Variants in STXBP6 observed in about 807,000 individuals in gnomAD.
STXBP6 encodes syntaxin-binding protein 6.
STXBP6 carries 21 observed loss-of-function variants against 26.9 expected under a neutral mutation model. The observed-to-expected ratio is 0.78, with a 90% CI of 0.55 to 1.12. STXBP6 has a LOEUF of 1.12. Ranked by LOEUF, STXBP6 falls within the 50% of genes most tolerant of loss-of-function variation. The pLI, the probability that STXBP6 is intolerant of heterozygous loss-of-function variation, is 0.00. For missense variants in STXBP6, 232 were observed against 257.9 expected (o/e 0.90, Z 0.69); for synonymous variants, 97 against 92.6 (o/e 1.05, Z -0.27).
chr14:24,957,531 T>C (rs1489028992), intron 2 of STXBP6, among the ~76,000 whole-genome samples: 3 of 152,348 alleles, frequency 2.0e-5, no homozygotes, highest in East Asian at 1.9e-4. Flanking sequence ...CTCTGGCAGA[T>C]AACTGACAAC....
intron 2 of STXBP6, among the ~76,000 whole-genome samples, chr14:24,949,450 G>C (rs932681575): frequency 1.3e-5 from 2 of 152,146 alleles, no homozygotes; most frequent in South Asian, 2.1e-4. Flanking sequence ...ACAAGACTGA[G>C]AGGCACCTCA....
chr14:24,936,281 G>GAAACA (rs1161903670), intron 2 of STXBP6, among the ~76,000 whole-genome samples: 1 of 151,894 alleles, frequency 6.6e-6, no homozygotes, highest in Non-Finnish European at 1.5e-5. Context: ...TCACAGGCCA[G>GAAACA]AAACAAAACA....
At position 24,892,880 on chromosome 14, in the gene STXBP6, C is replaced by T. The variant is rs560572068; in HGVS notation, c.155-35723G>A. On this transcript the variant is annotated intron_variant, in intron 2 of 5. Transcript: ENST00000323944. Reference sequence around the variant, plus strand: ...CCGAGTGGACCTTGCACGTTCTCAACTATCAATTACTGTAACTAGAACTCC... The same window carrying T: ...CCGAGTGGACCTTGCACGTTCTCAATTATCAATTACTGTAACTAGAACTCC... Among the ~76,000 whole-genome samples the T allele has an allele frequency of 6.6e-5, 10 of 152,332 alleles. No individual in the cohort carries two copies. The East Asian group carries it at 1.5e-3, about 23-fold the overall frequency.
intron 2 of STXBP6, among the ~76,000 whole-genome samples, chr14:24,964,860 A>T (rs2073682669): frequency 6.6e-6 from 1 of 152,156 alleles, no homozygotes; most frequent in Non-Finnish European, 1.5e-5. Context: ...CTTTTGATCC[A>T]GTAAAGATAG....
intron 2 of STXBP6, among the ~76,000 whole-genome samples, chr14:24,918,316 G>A (rs1459409687): frequency 1.3e-5 from 2 of 151,874 alleles, no homozygotes; most frequent in African/African-American, 2.4e-5. Flanking sequence ...GTAGATGAGG[G>A]TAAGGGGACA....
chr14:24,844,621 T>C (rs2068892443), intron 4 of STXBP6, among the ~76,000 whole-genome samples: 2 of 152,210 alleles, frequency 1.3e-5, no homozygotes, highest in African/African-American at 4.8e-5. Flanking sequence ...TCAGAAGTGT[T>C]CTGTGAGTAG....
chr14:24,856,946 C>T lies in STXBP6; in HGVS notation c.285+81G>A, dbSNP rs1027006644. On this transcript the variant is annotated intron_variant, in intron 3 of 5. Transcript: ENST00000323944. ...TAGCCTTCTTAAGAATGATTCAAAC[C>T]ACCACTACCACTACCAAGGTCAATC... 27 of 1,481,806 alleles carry T rather than the reference C, an allele frequency of 1.8e-5. No individual in the cohort carries two copies. The African/African-American group carries it at 3.7e-4, about 20-fold the overall frequency. The allele number at this position is 1,481,806 out of a possible 1,614,324, so 91.8% of individuals were successfully genotyped here.
At chr14:24,847,589 A>G (rs1296916214) in intron 4 of STXBP6, among the ~76,000 whole-genome samples, 1 of 152,156 alleles carries the variant, frequency 6.6e-6, no homozygotes, top group East Asian at 1.9e-4. Flanking sequence ...AATGCCTTTT[A>G]TGTCTGTTTC....
At chr14:24,911,769 G>T (rs537293775) in intron 2 of STXBP6, among the ~76,000 whole-genome samples, 1 of 152,278 alleles carries the variant, frequency 6.6e-6, no homozygotes, top group East Asian at 1.9e-4. Flanking sequence ...CTGCAGCAGA[G>T]CACATAGCTT....
chr14:25,043,010 A>T (rs2075668273), intron 1 of STXBP6, among the ~76,000 whole-genome samples: 1 of 152,230 alleles, frequency 6.6e-6, no homozygotes, highest in African/African-American at 2.4e-5. Context: ...AACAAATTAG[A>T]AGATGACACT....
At chr14:24,950,718 T>C (rs1166937883) in intron 2 of STXBP6, among the ~76,000 whole-genome samples, 3 of 152,192 alleles carry the variant, frequency 2.0e-5, no homozygotes, top group Admixed American at 1.3e-4. Flanking sequence ...CACATTGAGC[T>C]TCTCTAGACA....
At chr14:24,939,611 T>C (rs1201092051) in intron 2 of STXBP6, among the ~76,000 whole-genome samples, 1 of 152,236 alleles carries the variant, frequency 6.6e-6, no homozygotes, top group Non-Finnish European at 1.5e-5. Flanking sequence ...ATACTTCACA[T>C]GTACTGTATC....
intron 1 of STXBP6, among the ~76,000 whole-genome samples, chr14:25,000,054 A>G (rs1162602215): frequency 6.6e-6 from 1 of 151,568 alleles, no homozygotes; most frequent in Non-Finnish European, 1.5e-5. Context: ...TTTGTAGGAC[A>G]CGCTTCAAAT....
rs1410170946 is a variant in STXBP6, at chr14:24,930,806, T to C, written c.154+43859A>G. Among the ~76,000 whole-genome samples, 4 of 152,062 alleles carry C rather than the reference T, an allele frequency of 2.6e-5. No homozygotes were observed. In the South Asian group the frequency reaches 6.2e-4, roughly 24 times the overall value. On this transcript the variant is annotated intron_variant, in intron 2 of 5. Transcript: ENST00000323944. ...GTAACCATCATTCTAAGCAAACTAT[T>C]GCAAGGACAAAAAACCAAACACCGG...
chr14:24,943,074 C>T (rs895919096), intron 2 of STXBP6, among the ~76,000 whole-genome samples: 5 of 152,166 alleles, frequency 3.3e-5, no homozygotes, highest in African/African-American at 1.2e-4. Flanking sequence ...TAGCATCTTG[C>T]CCAATATTCT....
At chr14:24,925,296 T>C (rs1182286729) in intron 2 of STXBP6, among the ~76,000 whole-genome samples, 1 of 152,210 alleles carries the variant, frequency 6.6e-6, no homozygotes, top group African/African-American at 2.4e-5. Context: ...AAGTTTTAAC[T>C]TCACATGAAG....
chr14:24,982,684 T>A (rs1010070049), intron 1 of STXBP6, among the ~76,000 whole-genome samples: 2 of 152,228 alleles, frequency 1.3e-5, no homozygotes, highest in African/African-American at 4.8e-5. Flanking sequence ...ATGACTCATG[T>A]CTGCTTCAAC....
intron 2 of STXBP6, among the ~76,000 whole-genome samples, chr14:24,924,698 C>G (rs1303876202): frequency 6.6e-6 from 1 of 152,162 alleles, no homozygotes; most frequent in Non-Finnish European, 1.5e-5. Context: ...CACCATTGTG[C>G]TGGTGCTAGG....
chr14:24,930,590 A>T (rs1464279352), intron 2 of STXBP6, among the ~76,000 whole-genome samples: 1 of 152,174 alleles, frequency 6.6e-6, no homozygotes, highest in Admixed American at 6.5e-5. Context: ...GCAAAGGCCT[A>T]TGGAGGTGTT....
Sources: gnomAD v4.1 joint callset for allele counts (sites outside exome capture counted in the v4.1 genomes callset) on GRCh38, gnomAD v4.1.1 for gene constraint, MANE v1.5 for transcripts, NCBI Gene and HGNC (gene_info 2026-07-23, HGNC 2026-07-21) for gene names.